The following PPP1R12A variants were observed in gnomAD, a reference collection of about 807,000 sequenced individuals.
PPP1R12A encodes protein phosphatase 1 regulatory subunit 12A.
PPP1R12A carries 19 observed loss-of-function variants against 139.6 expected under a neutral mutation model. The observed-to-expected ratio is 0.14, with a 90% CI of 0.09 to 0.20. The LOEUF is 0.20. Among genes scored for constraint, PPP1R12A ranks in the 10% least tolerant of loss-of-function variants. The pLI, the probability that PPP1R12A is intolerant of heterozygous loss-of-function variation, is 1.00. For synonymous variants in PPP1R12A, 427 were observed against 420.6 expected (o/e 1.02, Z -0.19); for missense variants, 925 against 1,211.5 (o/e 0.76, Z 3.51).
intron 1 of PPP1R12A, among the ~76,000 whole-genome samples, chr12:79,930,255 T>C (rs1888150834): frequency 6.6e-6 from 1 of 152,116 alleles, no homozygotes; most frequent in South Asian, 2.1e-4. Context: ...AAGATCTAGT[T>C]GAAACGTAAG....
At chr12:79,861,393 C>T (rs12423515) in intron 2 of PPP1R12A, among the ~76,000 whole-genome samples, 42 of 152,266 alleles carry the variant, frequency 2.8e-4, no homozygotes, top group Admixed American at 3.9e-4. Context: ...CCAGCAAGAT[C>T]GATGCAGAAG....
At chr12:79,915,247 A>G (rs1886902008) in intron 1 of PPP1R12A, among the ~76,000 whole-genome samples, 1 of 152,152 alleles carries the variant, frequency 6.6e-6, no homozygotes, top group Non-Finnish European at 1.5e-5. Flanking sequence ...CTTATGTGTG[A>G]GAATGTATGC....
At position 79,935,026 on chromosome 12, in the gene PPP1R12A, A is replaced by T. The variant is rs955689229; in HGVS notation, c.-95T>A. 1 of 1,466,166 alleles carries T rather than the reference A, an allele frequency of 6.8e-7. No individual in the cohort carries two copies. The highest frequency in any genetic ancestry group is 2.5e-5 in the East Asian group (1 of 39,750). 90.8% of individuals were successfully genotyped at this position (1,466,166 alleles called of 1,614,324 possible). A position where few individuals can be genotyped will look rare whatever the true frequency, so the allele number is the denominator to read the frequency against. ...AGGCAGGGGGTGTGTGAATGTTTCTATGAGTGCGGGCCAGAGGAGGGCTGG... is the reference window on the plus strand; with the variant it reads ...AGGCAGGGGGTGTGTGAATGTTTCTTTGAGTGCGGGCCAGAGGAGGGCTGG... On this transcript the variant is annotated 5_prime_UTR_variant, in exon 1 of 25. Transcript: ENST00000450142.
intron 2 of PPP1R12A, among the ~76,000 whole-genome samples, chr12:79,870,697 G>A (rs200800892): frequency 1.3e-5 from 2 of 152,296 alleles, no homozygotes; most frequent in Non-Finnish European, 2.9e-5. Flanking sequence ...CACAAGTCCT[G>A]TAAAGCATAT....
Position 79,820,824 on chromosome 12 carries a change from C to G in PPP1R12A, c.1064G>C (p.Cys355Ser). The G allele has an allele frequency of 6.2e-7, 1 of 1,613,594 alleles. No homozygotes were observed. The highest frequency in any genetic ancestry group is 8.5e-7 in the Non-Finnish European group (1 of 1,179,792). Residue 355 changes from cysteine (C) to serine (S), a missense_variant, in exon 8 of 25, where the codon TGC becomes TCC. Physicochemically the swap from Cys to Ser is moderately radical, Grantham distance 112. Coordinates refer to ENST00000450142, the MANE Select transcript of PPP1R12A (RefSeq NM_002480.3). ...ATCTTCCTCATCTTCTTCACTAGAGCAGCTAGACTCATCCTTCTTTCCTTC... is the reference window on the plus strand; with the variant it reads ...ATCTTCCTCATCTTCTTCACTAGAGGAGCTAGACTCATCCTTCTTTCCTTC... Reference protein sequence around the residue: ...EEEGKKDESSCSSEEDEEDDS... With the variant: ...EEEGKKDESSSSSEEDEEDDS...
At chr12:79,794,434 A>AG (rs1872258375) in intron 18 of PPP1R12A, among the ~76,000 whole-genome samples, 1 of 152,018 alleles carries the variant, frequency 6.6e-6, no homozygotes, top group African/African-American at 2.4e-5. Flanking sequence ...CATATGCCTT[A>AG]GCTCTTTATA....
chr12:79,821,227 C>G, intron 6 of PPP1R12A, 61 bp from the exon 7 acceptor site: 1 of 1,176,420 alleles, frequency 8.5e-7, no homozygotes, highest in Non-Finnish European at 1.2e-6. Flanking sequence ...TACTAAGATG[C>G]AGAGTTTAAA....
chr12:79,881,906 C>T (rs928595129), intron 1 of PPP1R12A, among the ~76,000 whole-genome samples: 5 of 152,138 alleles, frequency 3.3e-5, no homozygotes. Context: ...ATCTACTCTG[C>T]CAGTGCTCTA....
At chr12:79,842,517 T>A (rs1488163948) in intron 3 of PPP1R12A, among the ~76,000 whole-genome samples, 1 of 152,020 alleles carries the variant, frequency 6.6e-6, no homozygotes, top group Non-Finnish European at 1.5e-5. Flanking sequence ...AACACAGCTC[T>A]AATAATACCT....
At chr12:79,853,728 GTATT>G (rs1444844391) in intron 2 of PPP1R12A, among the ~76,000 whole-genome samples, 2 of 152,154 alleles carry the variant, frequency 1.3e-5, no homozygotes, top group East Asian at 3.9e-4. Flanking sequence ...TGAAAACCAT[GTATT>G]TATTAAAAAC....
At chr12:79,826,347 T>A (rs1027953322) in intron 5 of PPP1R12A, among the ~76,000 whole-genome samples, 3 of 147,416 alleles carry the variant, frequency 2.0e-5, no homozygotes, top group Non-Finnish European at 3.0e-5. Flanking sequence ...GTTTTTTTTT[T>A]TTTTTTTTTT....
At chr12:79,868,059 TC>T (rs1882174963) in intron 2 of PPP1R12A, among the ~76,000 whole-genome samples, 1 of 152,192 alleles carries the variant, frequency 6.6e-6, no homozygotes, top group Non-Finnish European at 1.5e-5. Context: ...TGAGAAAGTT[TC>T]TTTTACAAAA....
intron 9 of PPP1R12A, among the ~76,000 whole-genome samples, chr12:79,811,175 A>C (rs1874482424): frequency 1.3e-5 from 2 of 152,178 alleles, no homozygotes. Flanking sequence ...TTTCATATCT[A>C]TTGCCAACAT....
intron 1 of PPP1R12A, among the ~76,000 whole-genome samples, chr12:79,898,522 A>G (rs552975835): frequency 1.3e-5 from 2 of 152,306 alleles, no homozygotes; most frequent in South Asian, 2.1e-4. Context: ...GTCAACGGCT[A>G]TTATCTAAAG....
chr12:79,799,845 CAAA>C (rs1035982838), intron 14 of PPP1R12A, among the ~76,000 whole-genome samples: 1 of 151,560 alleles, frequency 6.6e-6, no homozygotes, highest in Non-Finnish European at 1.5e-5. Flanking sequence ...CCTGTCGCTA[CAAA>C]AAAATAGAAA....
intron 24 of PPP1R12A, chr12:79,777,225 T>C (rs1455340000): frequency 1.1e-6 from 1 of 935,384 alleles, no homozygotes; most frequent in Non-Finnish European, 1.3e-6. Flanking sequence ...ATAATAGTCA[T>C]ATTTTAAGTC....
chr12:79,839,209 CTT>C (rs1878428638), intron 3 of PPP1R12A, among the ~76,000 whole-genome samples: 1 of 152,184 alleles, frequency 6.6e-6, no homozygotes, highest in Non-Finnish European at 1.5e-5. Context: ...CTTATAGCCT[CTT>C]TGTTTTGGCC....
At chr12:79,788,963 G>T (rs1414448694) in intron 20 of PPP1R12A, among the ~76,000 whole-genome samples, 180 bp from the exon 21 acceptor site, 2 of 152,024 alleles carry the variant, frequency 1.3e-5, no homozygotes, top group African/African-American at 2.4e-5. Flanking sequence ...TTTAGATAGG[G>T]TCTCACTCTG....
rs78753885 is a variant in PPP1R12A, at chr12:79,885,299, A to G, written c.238-12361T>C. Among the ~76,000 whole-genome samples, 767 of 152,292 alleles carry G rather than the reference A, an allele frequency of 5.0e-3. 4 individuals carry two copies. Among genetic ancestry groups the G allele is most frequent in the African/African-American group, 0.018 (727 of 41,542 alleles). ...ACCTCAAAAGTTTACTATGAGAAAT[A>G]TATGAATATATACAGCGCATAAAGT... On this transcript the variant is annotated intron_variant, in intron 1 of 24. Coordinates refer to ENST00000450142, the MANE Select transcript of PPP1R12A (RefSeq NM_002480.3).
Sources: allele counts gnomAD v4.1 joint callset (sites outside exome capture counted in the v4.1 genomes callset), GRCh38; gene constraint gnomAD v4.1.1; transcripts MANE v1.5; gene names NCBI Gene and HGNC (gene_info 2026-07-23, HGNC 2026-07-21).